USP45: variants seen among roughly 807,000 people sequenced by gnomAD.
USP45 encodes ubiquitin carboxyl-terminal hydrolase 45.
In USP45, 89 loss-of-function variants were observed where a neutral mutation model predicts 95.8. That is an observed-to-expected ratio of 0.93 (90% CI 0.78 to 1.11). USP45 has a LOEUF of 1.11. Ranked by LOEUF, USP45 falls within the 50% of genes least tolerant of loss-of-function variation. The pLI, the probability that USP45 is intolerant of heterozygous loss-of-function variation, is 0.00. For synonymous variants in USP45, 281 were observed against 316.2 expected (o/e 0.89, Z 1.18); for missense variants, 898 against 942.5 (o/e 0.95, Z 0.62).
chr6:99,477,641 A>C (rs1316164670), intron 8 of USP45, among the ~76,000 whole-genome samples: 2 of 152,126 alleles, frequency 1.3e-5, no homozygotes, highest in Non-Finnish European at 2.9e-5. Context: ...ATTATTCTTC[A>C]TTATCTCAGG....
intron 13 of USP45, among the ~76,000 whole-genome samples, chr6:99,455,027 T>C (rs1205317940): frequency 2.1e-5 from 3 of 146,300 alleles, no homozygotes; most frequent in African/African-American, 7.5e-5. Context: ...GAGGTGGAGG[T>C]TGCAGTGAGC....
At chr6:99,455,819 T>TAA (rs35285232) in intron 13 of USP45, among the ~76,000 whole-genome samples, 3,011 of 44,392 alleles carry the variant, frequency 0.068, 263 homozygotes, top group Non-Finnish European at 0.087. Flanking sequence ...ATGTGAGAGC[T>TAA]AAAAAAAAAA....
chr6:99,507,244 C>A (rs536172214), intron 4 of USP45, among the ~76,000 whole-genome samples, 184 bp downstream of exon 4: 29 of 152,178 alleles, frequency 1.9e-4, no homozygotes, highest in Non-Finnish European at 3.4e-4. Flanking sequence ...TAAAATTTTT[C>A]CAATTTAAAT....
At chr6:99,466,116 A>G (rs1787897346) in intron 11 of USP45, among the ~76,000 whole-genome samples, 1 of 152,096 alleles carries the variant, frequency 6.6e-6, no homozygotes, top group Admixed American at 6.6e-5. Flanking sequence ...GCTGGGTTCA[A>G]GTGATTCTCC....
At position 99,446,472 on chromosome 6, in the gene USP45, T is replaced by C; in HGVS notation, c.1309-9A>G. ...TCATGAATTAGTTGACTCTGTAAGT[T>C]GACAGTGTTTTCAAAGAAAAGAGTC... is the stretch of plus-strand genomic sequence containing the variant. On this transcript the variant is annotated splice_polypyrimidine_tract_variant and intron_variant, in intron 13 of 17. Transcript: ENST00000500704. The C allele has an allele frequency of 6.3e-7, 1 of 1,593,396 alleles. No individual in the cohort carries two copies. Among genetic ancestry groups the C allele is most frequent in the East Asian group, 2.3e-5 (1 of 43,924 alleles).
At chr6:99,457,613 T>C (rs1231479996) in intron 13 of USP45, among the ~76,000 whole-genome samples, 5 of 152,338 alleles carry the variant, frequency 3.3e-5, no homozygotes, top group African/African-American at 1.2e-4. Context: ...TATAGACCCA[T>C]ACAGGTTTTT....
chr6:99,451,122 C>T (rs1783754516), intron 13 of USP45, among the ~76,000 whole-genome samples: 1 of 152,102 alleles, frequency 6.6e-6, no homozygotes, highest in African/African-American at 2.4e-5. Context: ...TGAAAACTGG[C>T]ACAAGACAGG....
Position 99,508,764 on chromosome 6 carries a change from T to C in USP45, c.119A>G (p.His40Arg), listed in dbSNP as rs768017792. The C allele has an allele frequency of 4.3e-6, 7 of 1,611,164 alleles. No homozygotes were observed. Among genetic ancestry groups the C allele is most frequent in the South Asian group, 2.2e-5 (2 of 90,160 alleles). ...ATTCACGCTGATAGCATGACTTACATGTTGGCAAGTTAAACCTACTGAATA... is the reference window on the plus strand; with the variant it reads ...ATTCACGCTGATAGCATGACTTACACGTTGGCAAGTTAAACCTACTGAATA... ...DDIAVGLTCQ[H>R]VSHAISVNHV... The change falls in exon 3 of 18, where the codon CAT becomes CGT. Residue 40 changes from histidine (H) to arginine (R), a missense_variant. Transcript: ENST00000500704.
At chr6:99,499,025 C>T (rs763538401) in intron 5 of USP45, among the ~76,000 whole-genome samples, 10 of 152,116 alleles carry the variant, frequency 6.6e-5, no homozygotes, top group Non-Finnish European at 1.3e-4. Flanking sequence ...ATCTGCCTGC[C>T]TCAGCCTCCC....
intron 13 of USP45, among the ~76,000 whole-genome samples, chr6:99,448,837 A>G (rs1294337639): frequency 6.6e-6 from 1 of 152,204 alleles, no homozygotes; most frequent in Non-Finnish European, 1.5e-5. Flanking sequence ...CTTGGCAGAA[A>G]CTCTACAAGC....
At chr6:99,456,741 C>A (rs1004655898) in intron 13 of USP45, among the ~76,000 whole-genome samples, 19 of 152,070 alleles carry the variant, frequency 1.2e-4, no homozygotes, top group African/African-American at 4.6e-4. Flanking sequence ...AATTGTACAG[C>A]ATGTGTGTTT....
chr6:99,448,015 G>A (rs9494486), intron 13 of USP45, among the ~76,000 whole-genome samples: 3,894 of 152,176 alleles, frequency 0.026, 193 homozygotes, highest in African/African-American at 0.089. Flanking sequence ...TAACAAACAG[G>A]ACATCCACAC....
At chr6:99,488,175 T>C (rs1794408209) in intron 7 of USP45, 25 bp downstream of exon 7, 5 of 1,501,092 alleles carry the variant, frequency 3.3e-6, no homozygotes, top group Non-Finnish European at 4.6e-6. Context: ...TGAAAGCAGC[T>C]ATTATTCAAA....
upstream of USP45, chr6:99,515,629 T>C (rs1801030633): frequency 1.3e-5 from 2 of 152,248 alleles, no homozygotes; most frequent in Admixed American, 1.3e-4. Context: ...CTAAGACTCA[T>C]AGCCACCGAC....
At chr6:99,449,746 C>T (rs145597899) in intron 13 of USP45, among the ~76,000 whole-genome samples, 22,320 of 152,160 alleles carry the variant, frequency 0.15, 2,355 homozygotes, top group Non-Finnish European at 0.21. Context: ...CTCAGCACAT[C>T]ACACTTATTC....
chr6:99,445,042 C>A (rs919514965), intron 14 of USP45, among the ~76,000 whole-genome samples: 1 of 152,212 alleles, frequency 6.6e-6, no homozygotes, highest in African/African-American at 2.4e-5. Context: ...TTCTCTCTGA[C>A]CAACTAATCA....
At chr6:99,446,802 G>A (rs1200678547) in intron 13 of USP45, among the ~76,000 whole-genome samples, 2 of 152,146 alleles carry the variant, frequency 1.3e-5, no homozygotes, top group Non-Finnish European at 2.9e-5. Flanking sequence ...AGAGTGCAGT[G>A]GCACAATCAC....
chr6:99,508,317 G>C (rs1402513022), intron 3 of USP45, among the ~76,000 whole-genome samples: 2 of 152,196 alleles, frequency 1.3e-5, no homozygotes, highest in African/African-American at 2.4e-5. Flanking sequence ...CTGAAAGGTA[G>C]ATCCATTTCC....
chr6:99,515,065 G>A (rs1195849586), intron 1 of USP45: 3 of 152,392 alleles, frequency 2.0e-5, no homozygotes, highest in Non-Finnish European at 4.4e-5. Context: ...CCCCGAGGAT[G>A]TGAAGAGAAA....
Sources: allele counts gnomAD v4.1 joint callset (sites outside exome capture counted in the v4.1 genomes callset), GRCh38; gene constraint gnomAD v4.1.1; transcripts MANE v1.5; gene names NCBI Gene and HGNC (gene_info 2026-07-23, HGNC 2026-07-21).